PLEKHA5: variants seen among roughly 807,000 people sequenced by gnomAD.
PLEKHA5 encodes the protein pleckstrin homology domain containing A5.
In PLEKHA5, 55 loss-of-function variants were observed where a neutral mutation model predicts 181.9. That is an observed-to-expected ratio of 0.30 (90% CI 0.24 to 0.38). The LOEUF (loss-of-function observed/expected upper bound fraction) is 0.38. Ranked by LOEUF, PLEKHA5 falls within the 10% of genes least tolerant of loss-of-function variation. The pLI is 1.00. For synonymous variants in PLEKHA5, 535 were observed against 529.4 expected (o/e 1.01, Z -0.15); for missense variants, 1,432 against 1,549.5 (o/e 0.92, Z 1.27).
intron 26 of PLEKHA5, among the ~76,000 whole-genome samples, chr12:19,356,423 A>G (rs1475461828): frequency 6.6e-6 from 1 of 151,866 alleles, no homozygotes; most frequent in African/African-American, 2.4e-5. Flanking sequence ...AGAAGCTGAG[A>G]TAGGGTGGAT....
intron 3 of PLEKHA5, chr12:19,150,377 A>G (rs2040088329): frequency 6.6e-6 from 1 of 152,212 alleles, no homozygotes; most frequent in African/African-American, 2.4e-5. Flanking sequence ...AAGTCTTTCA[A>G]GTAGATGACC....
rs190962037 is a variant in PLEKHA5, at chr12:19,314,196, A to G, written c.2038-618A>G. Among the ~76,000 whole-genome samples the G allele has an allele frequency of 6.6e-5, 10 of 152,284 alleles. No individual in the cohort carries two copies. In the East Asian group the frequency reaches 1.9e-3, roughly 29 times the overall value. On this transcript the variant is annotated intron_variant, in intron 15 of 31. Coordinates refer to ENST00000429027, the MANE Select transcript of PLEKHA5 (RefSeq NM_001256470.2). ...GTTTCAGACTACCTTTTTAGAAGCT[A>G]AGGAGACATACCAAGTCTTTGCTGA...
In PLEKHA5 at chr12:19,278,291, C is replaced by T. The variant is rs1022880912; in HGVS notation, c.1313+3308C>T. 7.2e-5 allele frequency among the ~76,000 whole-genome samples: 11 copies of T among 152,066 alleles called. No homozygotes were observed. In the East Asian group the frequency reaches 7.7e-4, roughly 11 times the overall value. On this transcript the variant is annotated intron_variant, in intron 11 of 31. Transcript: ENST00000429027. ...TAGTTGACAGTTCAGGTTCAATATA[C>T]GTCTCTACAACAGGGTCCAACCCAA...
intron 23 of PLEKHA5, 74 bp from the exon 24 acceptor site, chr12:19,346,920 A>G (rs2094361239): frequency 2.2e-6 from 2 of 919,056 alleles, no homozygotes; most frequent in African/African-American, 1.7e-5. Context: ...AAGTTAATAT[A>G]CCATTGCAAA....
intron 3 of PLEKHA5, among the ~76,000 whole-genome samples, chr12:19,178,335 G>C (rs747242905): frequency 1.6e-4 from 24 of 152,150 alleles, no homozygotes; most frequent in Non-Finnish European, 3.1e-4. Flanking sequence ...AGACATCGCT[G>C]AAACATCAAA....
chr12:19,161,352 C>A (rs1258024881), intron 3 of PLEKHA5, among the ~76,000 whole-genome samples: 2 of 152,154 alleles, frequency 1.3e-5, no homozygotes, highest in Non-Finnish European at 2.9e-5. Flanking sequence ...AAAAACACTT[C>A]AGTGAATGTC....
intron 3 of PLEKHA5, among the ~76,000 whole-genome samples, chr12:19,202,653 A>G (rs2054458455): frequency 6.6e-6 from 1 of 151,608 alleles, no homozygotes. Context: ...GAACCCTAAC[A>G]AACTCCAATT....
intron 21 of PLEKHA5, among the ~76,000 whole-genome samples, chr12:19,339,197 T>G (rs2153150298): frequency 6.6e-6 from 1 of 152,032 alleles, no homozygotes. Flanking sequence ...TGTGCCACCA[T>G]ACCTGGCTAA....
chr12:19,216,013 G>A (rs10841181), intron 3 of PLEKHA5, among the ~76,000 whole-genome samples: 127,808 of 152,138 alleles, frequency 0.84, 55,162 homozygotes, highest in Non-Finnish European at 0.95. Context: ...ACAAAATACC[G>A]ACTTGCTAAA....
chr12:19,164,191 GTTTTTGTTTT>G (rs2043697677), intron 3 of PLEKHA5, among the ~76,000 whole-genome samples: 1 of 119,212 alleles, frequency 8.4e-6, no homozygotes. Context: ...CTCTCCAGAT[GTTTTTGTTTT>G]TTTTTTTTTT....
chr12:19,294,410 C>G (rs890579947), intron 15 of PLEKHA5, among the ~76,000 whole-genome samples: 6 of 152,170 alleles, frequency 3.9e-5, no homozygotes, highest in African/African-American at 1.4e-4. Flanking sequence ...ATTGATTCAT[C>G]AGTTTTATGT....
intron 3 of PLEKHA5, among the ~76,000 whole-genome samples, chr12:19,239,119 G>C (rs1007736252): frequency 1.3e-5 from 2 of 152,148 alleles, no homozygotes; most frequent in Non-Finnish European, 2.9e-5. Context: ...TATATAGGAT[G>C]CTTAATAAAT....
chr12:19,219,512 CTTCT>C (rs997683302), intron 3 of PLEKHA5, among the ~76,000 whole-genome samples: 5 of 55,784 alleles, frequency 9.0e-5, no homozygotes, highest in South Asian at 5.7e-4. Context: ...TCCTGTTTCC[CTTCT>C]TTTTTTTTTT....
chr12:19,139,755 A>T (rs1010201538), intron 3 of PLEKHA5, among the ~76,000 whole-genome samples: 7 of 152,194 alleles, frequency 4.6e-5, no homozygotes, highest in Non-Finnish European at 1.0e-4. Context: ...GGCATTTCTC[A>T]CAGTTAAGCT....
intron 3 of PLEKHA5, chr12:19,205,373 G>A (rs1466573077): frequency 2.0e-6 from 2 of 984,872 alleles, no homozygotes; most frequent in Non-Finnish European, 2.4e-6. Context: ...CAGGAAGCAT[G>A]TAATTTGTCT....
At chr12:19,200,464 C>G in intron 3 of PLEKHA5, 1 of 1,416,522 alleles carries the variant, frequency 7.1e-7, no homozygotes, top group Non-Finnish European at 9.2e-7. Context: ...AACTGATTGT[C>G]TTCGTTATCC....
intron 15 of PLEKHA5, among the ~76,000 whole-genome samples, chr12:19,305,929 A>C (rs1258949220): frequency 2.0e-5 from 3 of 151,372 alleles, no homozygotes; most frequent in African/African-American, 7.3e-5. Flanking sequence ...AAATACAAAA[A>C]ATTGGCTGGA....
chr12:19,212,799 A>C (rs548555295), intron 3 of PLEKHA5, among the ~76,000 whole-genome samples: 1 of 151,646 alleles, frequency 6.6e-6, no homozygotes, highest in South Asian at 2.1e-4. Context: ...CATTTCAGAA[A>C]GAGGAAAACA....
chr12:19,230,811 G>GCCC (rs1465985540), intron 3 of PLEKHA5, among the ~76,000 whole-genome samples: 1 of 152,180 alleles, frequency 6.6e-6, no homozygotes, highest in Non-Finnish European at 1.5e-5. Flanking sequence ...CCACAGTGCA[G>GCCC]TGGCAAGCTG....
Sources: allele counts gnomAD v4.1 joint callset (sites outside exome capture counted in the v4.1 genomes callset), GRCh38; gene constraint gnomAD v4.1.1; transcripts MANE v1.5; gene names NCBI Gene and HGNC (gene_info 2026-07-23, HGNC 2026-07-21).